LRP2: variants seen among roughly 807,000 people sequenced by gnomAD.
LRP2 encodes the protein low-density lipoprotein receptor-related protein 2.
Under a neutral mutation model 531.0 loss-of-function variants are expected in LRP2, and 172 were observed. That is an observed-to-expected ratio of 0.32 (90% CI 0.29 to 0.37). The LOEUF (loss-of-function observed/expected upper bound fraction) is 0.37, where lower values mean the gene tolerates loss of function less well. Ranked by LOEUF, LRP2 falls within the 10% of genes least tolerant of loss-of-function variation. LRP2 has a pLI of 1.00. For synonymous variants in LRP2, 1,992 were observed against 2,027.6 expected (o/e 0.98, Z 0.47); for missense variants, 5,167 against 5,868.3 (o/e 0.88, Z 3.90).
intron 1 of LRP2, among the ~76,000 whole-genome samples, chr2:169,344,633 C>T (rs1685649927): frequency 6.6e-6 from 1 of 152,098 alleles, no homozygotes; most frequent in South Asian, 2.1e-4. Flanking sequence ...AGCTAAGAGC[C>T]AAACCCTGTT....
At chr2:169,282,378 C>T (rs1683726339) in intron 10 of LRP2, among the ~76,000 whole-genome samples, 1 of 152,198 alleles carries the variant, frequency 6.6e-6, no homozygotes, top group Admixed American at 6.5e-5. Flanking sequence ...ACTTTTCATA[C>T]TCTTACACTG....
At chr2:169,245,871 T>C (rs879793416) in intron 21 of LRP2, among the ~76,000 whole-genome samples, 46 of 152,194 alleles carry the variant, frequency 3.0e-4, no homozygotes, top group Non-Finnish European at 5.3e-4. Context: ...GTTGTTGTTG[T>C]TTGTTTGCTT....
chr2:169,191,728 C>T, intron 48 of LRP2, 104 bp downstream of exon 48: 1 of 905,054 alleles, frequency 1.1e-6, no homozygotes, highest in Non-Finnish European at 1.9e-6. Context: ...CTAAAAGCAT[C>T]ATGGGCCCTG....
At position 169,327,673 on chromosome 2, in the gene LRP2, C is replaced by CG. The variant is rs1431977015; in HGVS notation, c.80-6790_80-6789insC. On this transcript the variant is annotated intron_variant, in intron 1 of 78. Transcript: ENST00000649046. ...GGGAGGGAGGTGGGGGGCTCAGCCC[C>CG]CTCCCGGCCAGCCGACCCATCCGGG... 5.4e-5 allele frequency among the ~76,000 whole-genome samples: 6 copies of CG among 110,488 alleles called. 1 individual carries two copies. The highest frequency in any genetic ancestry group is 1.5e-4 in the African/African-American group (4 of 27,562). 72.5% of individuals were successfully genotyped at this position (110,488 alleles called of 152,430 possible). A position where few individuals can be genotyped will look rare whatever the true frequency, so the allele number is the denominator to read the frequency against.
chr2:169,159,617 A>G (rs1039279046), intron 63 of LRP2, among the ~76,000 whole-genome samples: 1 of 152,120 alleles, frequency 6.6e-6, no homozygotes, highest in African/African-American at 2.4e-5. Flanking sequence ...CTAAGAATTT[A>G]TTCACTTCAC....
At chr2:169,336,030 A>C (rs1162802019) in intron 1 of LRP2, among the ~76,000 whole-genome samples, 1 of 151,882 alleles carries the variant, frequency 6.6e-6, no homozygotes, top group African/African-American at 2.4e-5. Flanking sequence ...AAAAAAAAAA[A>C]CAAGCATTAA....
At chr2:169,153,909 G>A (rs1008066682) in intron 66 of LRP2, among the ~76,000 whole-genome samples, 9 of 152,154 alleles carry the variant, frequency 5.9e-5, no homozygotes, top group Non-Finnish European at 1.3e-4. Flanking sequence ...TAGATGTTGG[G>A]TCAGCTGCTA....
At position 169,291,080 on chromosome 2, in the gene LRP2, A is replaced by T. The variant is rs1574225697; in HGVS notation, c.770-83T>A. 4.7e-6 allele frequency: 6 copies of T among 1,266,358 alleles called. No homozygotes were observed. The East Asian group carries it at 1.2e-4, about 25-fold the overall frequency. The allele number at this position is 1,266,358 out of a possible 1,614,324, so 78.4% of individuals were successfully genotyped here. Reference sequence around the variant, plus strand: ...TTAATCAGTGGTTTACAGAGGATGTAGAGCAAGTTGAACAAGAGAAATCTA... The same window carrying T: ...TTAATCAGTGGTTTACAGAGGATGTTGAGCAAGTTGAACAAGAGAAATCTA... On this transcript the variant is annotated intron_variant, in intron 7 of 78. Coordinates refer to ENST00000649046, the MANE Select transcript of LRP2 (RefSeq NM_004525.3).
Position 169,225,413 on chromosome 2 carries a change from G to T in LRP2, c.5435C>A (p.Thr1812Lys), listed in dbSNP as rs1240416341. The T allele has an allele frequency of 6.2e-7, 1 of 1,614,018 alleles. No homozygotes were observed. Among genetic ancestry groups the T allele is most frequent in the African/African-American group, 1.3e-5 (1 of 75,012 alleles). The change falls in exon 33 of 79, where the codon ACA becomes AAA. Residue 1812 changes from threonine (T) to lysine (K), a missense_variant. Transcript: ENST00000649046. ...CACCATAGATATAGAAGCAAATACT[G>T]TCCTGTTGGTGCCATCTGTCTTCAC... is the stretch of plus-strand genomic sequence containing the variant. ...HRVKTDGTNR[T>K]VFASISMVGP...
chr2:169,311,017 A>C (rs1293364716), intron 3 of LRP2, among the ~76,000 whole-genome samples: 1 of 152,128 alleles, frequency 6.6e-6, no homozygotes, highest in Non-Finnish European at 1.5e-5. Flanking sequence ...CTCTGATGGT[A>C]GTTTGTATTT....
chr2:169,154,004 C>G (rs1434878937), intron 66 of LRP2, among the ~76,000 whole-genome samples: 1 of 152,166 alleles, frequency 6.6e-6, no homozygotes, highest in Non-Finnish European at 1.5e-5. Flanking sequence ...GGTCAACTAG[C>G]TATATAACTT....
At chr2:169,240,635 A>G (rs1450369376) in intron 25 of LRP2, 4 of 452,560 alleles carry the variant, frequency 8.8e-6, no homozygotes, top group Non-Finnish European at 1.6e-5. Flanking sequence ...TTTTTTTGTG[A>G]TAAGTTCTGA....
At position 169,280,411 on chromosome 2, in the gene LRP2, A is replaced by C. The variant is rs200807695; in HGVS notation, c.1280T>G (p.Val427Gly). The C allele has an allele frequency of 5.0e-6, 8 of 1,614,028 alleles. No homozygotes were observed. The highest frequency in any genetic ancestry group is 1.1e-5 in the South Asian group (1 of 91,086). ...LVESQNRGVAVGVAFHYHLQR... is the reference protein window; with the variant it reads ...LVESQNRGVAGGVAFHYHLQR... ...CAGGTGATAGTGGAAAGCCACACCC[A>C]CGGCCACTCCACGATTCTGAGACTC... is the stretch of plus-strand genomic sequence containing the variant. The change falls in exon 11 of 79, where the codon GTG becomes GGG. Residue 427 changes from valine to glycine, a missense_variant. Physicochemically the swap from Val to Gly is moderately radical, Grantham distance 109 (BLOSUM62 -3). Transcript: ENST00000649046.
chr2:169,338,392 GAA>G (rs1298952046), intron 1 of LRP2, among the ~76,000 whole-genome samples: 1 of 123,088 alleles, frequency 8.1e-6, no homozygotes. Flanking sequence ...AAGAAAGAAA[GAA>G]AGAAAGAAAG....
intron 2 of LRP2, among the ~76,000 whole-genome samples, chr2:169,320,103 C>T (rs1325504187): frequency 5.3e-5 from 8 of 152,118 alleles, no homozygotes; most frequent in South Asian, 2.1e-4. Flanking sequence ...ATAGACTTAC[C>T]AACTGTAAGA....
chr2:169,270,909 C>T lies in LRP2; in HGVS notation c.2315G>A (p.Gly772Asp). 6.2e-7 allele frequency: 1 copy of T among 1,612,008 alleles called. No homozygotes were observed. Among genetic ancestry groups the T allele is most frequent in the Non-Finnish European group, 8.5e-7 (1 of 1,179,026 alleles). ...CACACACAAACCTTTCTCACCTGTG[C>T]CATCAATCTTTTGCTTAAAAATCAT... ...KHMIFKQKIDGTGREILAANR... is the reference protein window; with the variant it reads ...KHMIFKQKIDDTGREILAANR... Residue 772 changes from glycine to aspartate, a missense_variant, in exon 16 of 79, where the codon GGC (glycine) becomes GAC (aspartate). This residue lies in a region of LRP2 where 2,811 missense variants were observed against 3,058.0 expected (regional missense o/e 0.92). Coordinates refer to ENST00000649046, the MANE Select transcript of LRP2 (RefSeq NM_004525.3).
At chr2:169,310,382 C>A (rs1684558941) in intron 3 of LRP2, among the ~76,000 whole-genome samples, 1 of 152,076 alleles carries the variant, frequency 6.6e-6, no homozygotes, top group Non-Finnish European at 1.5e-5. Context: ...CCCATTGATA[C>A]CTAATTTATT....
In LRP2 at chr2:169,318,768, C is replaced by A. The variant is rs1212764557; in HGVS notation, c.304G>T (p.Asp102Tyr). The A allele has an allele frequency of 1.9e-6, 3 of 1,614,126 alleles. No homozygotes were observed. The Admixed American group carries it at 5.0e-5, about 27-fold the overall frequency. Residue 102 changes from aspartate to tyrosine, a missense_variant, in exon 3 of 79, where the codon GAT becomes TAT. By Grantham distance (160) the Asp-to-Tyr change is radical. Around this residue, in one of 6 missense-constraint regions of LRP2, gnomAD observed 2,811 missense variants for 3,058.0 expected, o/e 0.92. Coordinates refer to ENST00000649046, the MANE Select transcript of LRP2 (RefSeq NM_004525.3). ...TTCCTCTCCAAACACTTACAGCAAT[C>A]TTGACGTTCATCTGAGCCATCATCA... ...DCDDGSDERQDCSQSTCSSHQ... is the reference protein window; with the variant it reads ...DCDDGSDERQYCSQSTCSSHQ...
intron 67 of LRP2, 94 bp downstream of exon 67, chr2:169,152,705 C>A: frequency 1.4e-6 from 2 of 1,434,248 alleles, no homozygotes; most frequent in South Asian, 1.2e-5. Flanking sequence ...GTACTCATAT[C>A]CAGGCCCAGA....
Sources: allele counts gnomAD v4.1 joint callset (sites outside exome capture counted in the v4.1 genomes callset), GRCh38; gene constraint gnomAD v4.1.1; regional missense constraint gnomAD v4.1.1; transcripts MANE v1.5; gene names NCBI Gene and HGNC (gene_info 2026-07-23, HGNC 2026-07-21).